The following SERPINB1 variants were observed in gnomAD, a reference collection of about 807,000 sequenced individuals.
SERPINB1 encodes the protein serpin family B member 1, also known as leukocyte elastase inhibitor.
SERPINB1 carries 23 observed loss-of-function variants against 25.9 expected under a neutral mutation model. That is an observed-to-expected ratio of 0.89 (90% confidence interval 0.64 to 1.26). The LOEUF (loss-of-function observed/expected upper bound fraction) is 1.26, where lower values mean the gene tolerates loss of function less well. SERPINB1 is among the 50% of genes most tolerant of loss of function. The pLI is 0.00. For missense variants in SERPINB1, 399 were observed against 463.6 expected (o/e 0.86, Z 1.28); for synonymous variants, 178 against 178.7 (o/e 1.00, Z 0.03).
rs746284570 is a variant in SERPINB1, at chr6:2,833,794, A to G, written c.954T>C (p.Ile318=). ...SGARDIFISK[I]VHKSFVEVNE... is the part of the protein sequence containing the mutation. ...TCACTTCCACAAATGACTTGTGGAC[A>G]ATTTTTGATATAAAAATATCTCTGG... Residue 318 remains isoleucine (I), a synonymous_variant, in exon 7 of 7, where the codon ATT becomes ATC. Transcript: ENST00000380739. 6.2e-7 allele frequency: 1 copy of G among 1,614,124 alleles called. No homozygotes were observed.
rs1766353011 is a variant in SERPINB1 at position 2,832,332 on chromosome 6, T to C, written c.*1276A>G. 6.6e-6 allele frequency: 1 copy of C among 152,234 alleles called. No homozygotes were observed. Among genetic ancestry groups the C allele is most frequent in the Non-Finnish European group, 1.5e-5 (1 of 68,056 alleles). 9.4% of individuals were successfully genotyped at this position (152,234 alleles called of 1,614,324 possible). A position where few individuals can be genotyped will look rare whatever the true frequency, so the allele number is the denominator to read the frequency against. ...AATAAGAAGAGGCCTGAGACCAGTC[T>C]AGCTTGCAGAATCCTAGGACGTTTT... On this transcript the variant is annotated 3_prime_UTR_variant, in exon 7 of 7. Transcript: ENST00000380739.
At position 2,840,516 on chromosome 6, in the gene SERPINB1, G is replaced by C; in HGVS notation, c.71C>G (p.Pro24Arg). The C allele has an allele frequency of 6.2e-7, 1 of 1,614,134 alleles. No individual in the cohort carries two copies. The highest frequency in any genetic ancestry group is 2.2e-5 in the East Asian group (1 of 44,880). The change falls in exon 2 of 7, where the codon CCG becomes CGG. Residue 24 changes from proline (P) to arginine (R), a missense_variant. Transcript: ENST00000380739. ...DLFLALSENN[P>R]AGNIFISPFS... ...GGGAGAGATGAAGATGTTTCCAGCC[G>C]GATTGTTCTCACTCAACGCCAGGAA... is the stretch of plus-strand genomic sequence containing the variant.
rs150510924 is a variant in SERPINB1 at position 2,841,768 on chromosome 6, C to CCCCGCG, written c.-9+38_-9+43dup. 0.09 allele frequency: 13,715 copies of CCCCGCG among 151,950 alleles called. 1,224 individuals are homozygous for CCCCGCG. Among genetic ancestry groups the CCCCGCG allele is most frequent in the African/African-American group, 0.23 (9,624 of 41,094 alleles). The allele number at this position is 151,950 out of a possible 1,614,324, so 9.4% of individuals were successfully genotyped here. On this transcript the variant is annotated intron_variant, in intron 1 of 6. Coordinates refer to ENST00000380739, the MANE Select transcript of SERPINB1 (RefSeq NM_030666.4). The surrounding 1 kb of genome is among the most constrained non-coding windows in gnomAD (Gnocchi z 4.5). Reference sequence around the variant, plus strand: ...AGCTGAGCGAGGGAGCCTGGCCTCTCCCCGCGCCCGCCCCCGCGCCACCGC... The same window carrying CCCCGCG: ...AGCTGAGCGAGGGAGCCTGGCCTCTCCCCGCGCCCGCGCCCGCCCCCGCGCCACCGC...
Position 2,833,867 on chromosome 6 carries a change from T to C in SERPINB1, c.881A>G (p.Gln294Arg). The change falls in exon 7 of 7, where the codon CAG (glutamine) becomes CGG (arginine). Residue 294 changes from glutamine to arginine, a missense_variant. Coordinates refer to ENST00000380739, the MANE Select transcript of SERPINB1 (RefSeq NM_030666.4). ...AGCCTTGCTACTGTTAAAGAGATCCTGCACACCTAGGCGGGCGAGGTCGGA... is the reference window on the plus strand; with the variant it reads ...AGCCTTGCTACTGTTAAAGAGATCCCGCACACCTAGGCGGGCGAGGTCGGA... The part of the protein sequence containing the change: ...LNSDLARLGV[Q>R]DLFNSSKADL... 1 of 1,614,200 alleles carries C rather than the reference T, an allele frequency of 6.2e-7. No homozygotes were observed. The highest frequency in any genetic ancestry group is 8.5e-7 in the Non-Finnish European group (1 of 1,180,030).
At chr6:2,838,099 C>G in intron 3 of SERPINB1, 100 bp from the exon 4 acceptor site, 1 of 792,602 alleles carries the variant, frequency 1.3e-6, no homozygotes, top group Admixed American at 2.7e-5. Flanking sequence ...TCCTAAAAGG[C>G]TACAATTCCA....
rs1224225247 is a variant in SERPINB1 at position 2,834,301 on chromosome 6, A to ATCCC, written c.736-290_736-289insGGGA. Among the ~76,000 whole-genome samples, 3 of 106,972 alleles carry ATCCC rather than the reference A, an allele frequency of 2.8e-5. No individual in the cohort carries two copies. The Admixed American group carries it at 3.2e-4, about 12-fold the overall frequency. The allele number at this position is 106,972 out of a possible 152,430, so 70.2% of individuals were successfully genotyped here. A position where few individuals can be genotyped will look rare whatever the true frequency, so the allele number is the denominator to read the frequency against. ...CATCCACCCATTTGTCCACTCATCC[A>ATCCC]TCCATCCATCCATCCATCCATCCAT... On this transcript the variant is annotated intron_variant, in intron 6 of 6. Coordinates refer to ENST00000380739, the MANE Select transcript of SERPINB1 (RefSeq NM_030666.4).
At chr6:2,840,690 C>G (rs370600432) in intron 1 of SERPINB1, 96 bp from the exon 2 acceptor site, 1 of 1,168,104 alleles carries the variant, frequency 8.6e-7, no homozygotes, top group African/African-American at 1.6e-5. Flanking sequence ...TTCTGCCAAC[C>G]GCCCTGAGGC....
intron 2 of SERPINB1, chr6:2,839,521 A>C: frequency 4.2e-6 from 4 of 960,010 alleles, no homozygotes; most frequent in Non-Finnish European, 5.0e-6. Context: ...TAATGGATTT[A>C]AAAAAAACAT....
rs955441332 is a variant in SERPINB1 at position 2,837,053 on chromosome 6, G to A, written c.425-803C>T. 6.9e-6 allele frequency among the ~76,000 whole-genome samples: 1 copy of A among 144,516 alleles called. No individual in the cohort carries two copies. The highest frequency in any genetic ancestry group is 2.6e-5 in the African/African-American group (1 of 38,806). 94.8% of individuals were successfully genotyped at this position (144,516 alleles called of 152,430 possible). On this transcript the variant is annotated intron_variant, in intron 4 of 6. Transcript: ENST00000380739. The surrounding 1 kb of genome is among the most constrained non-coding windows in gnomAD (Gnocchi z 4.3). ...GAAATAAATTGCACCCTAAAAGCAA[G>A]TCAGTCCCCACCTACCACAACTTTT...
At chr6:2,838,824 A>G (rs917084229) in intron 2 of SERPINB1, 138 bp from the exon 3 acceptor site, 12 of 677,894 alleles carry the variant, frequency 1.8e-5, no homozygotes, top group Non-Finnish European at 2.3e-5. Context: ...ATACTTTATT[A>G]ATTTGTCATT....
chr6:2,838,513 A>C (rs1766558010), intron 3 of SERPINB1, 36 bp downstream of exon 3: 1 of 1,546,278 alleles, frequency 6.5e-7, no homozygotes, highest in East Asian at 2.3e-5. Flanking sequence ...TGCACTGTCT[A>C]GTGGGGTTTT....
Position 2,840,534 on chromosome 6 carries a change from GC to G in SERPINB1, c.52del (p.Ala18ArgfsTer2). On this transcript the variant is annotated frameshift_variant, in exon 2 of 7. Coordinates refer to ENST00000380739, the MANE Select transcript of SERPINB1 (RefSeq NM_030666.4). LOFTEE classifies it high-confidence loss of function. The stretch of plus-strand genomic sequence containing the variant: ...TCCAGCCGGATTGTTCTCACTCAAC[GC>G]CAGGAACAGGTCCAAGGCGAAGCGG... ...NTRFALDLFL[A>X]LSENNPAGNI... The G allele has an allele frequency of 6.2e-7, 1 of 1,614,112 alleles. No individual in the cohort carries two copies. The highest frequency in any genetic ancestry group is 8.5e-7 in the Non-Finnish European group (1 of 1,180,016).
At chr6:2,835,747 G>A (rs2113533919) in intron 6 of SERPINB1, 109 bp downstream of exon 6, 1 of 1,242,534 alleles carries the variant, frequency 8.0e-7, no homozygotes, top group Non-Finnish European at 1.1e-6. Context: ...ACAAAGGAAT[G>A]ACAAACTACT....
chr6:2,840,399 T>C lies in SERPINB1; in HGVS notation c.168+20A>G, dbSNP rs201117915. 1 of 1,603,136 alleles carries C rather than the reference T, an allele frequency of 6.2e-7. No individual in the cohort carries two copies. The highest frequency in any genetic ancestry group is 1.1e-5 in the South Asian group (1 of 90,160). Reference sequence around the variant, plus strand: ...AGGGAGATGGGAGGAAAGCAGACCCTTTTTTTTGTTTCTGCTGACCTTGGA... The same window carrying C: ...AGGGAGATGGGAGGAAAGCAGACCCCTTTTTTTGTTTCTGCTGACCTTGGA... On this transcript the variant is annotated intron_variant, in intron 2 of 6. Transcript: ENST00000380739.
rs372149706 is a variant in SERPINB1 at position 2,835,880 on chromosome 6, C to T, written c.711G>A (p.Glu237=). 1.2e-4 allele frequency: 191 copies of T among 1,613,940 alleles called. No homozygotes were observed. Among genetic ancestry groups the T allele is most frequent in the Non-Finnish European group, 1.6e-4 (187 of 1,180,024 alleles). The part of the protein sequence containing the change: ...SMVILLPDDI[E]DESTGLKKIE... Reference sequence around the variant, plus strand: ...CCTTCTTCAGGCCCGTGGACTCGTCCTCAATGTCATCCGGCAGCAGGATGA... The same window carrying T: ...CCTTCTTCAGGCCCGTGGACTCGTCTTCAATGTCATCCGGCAGCAGGATGA... The change falls in exon 6 of 7, where the codon GAG becomes GAA. Residue 237 remains glutamate (E), a synonymous_variant. Transcript: ENST00000380739.
At position 2,836,158 on chromosome 6, in the gene SERPINB1, C is replaced by T; in HGVS notation, c.517G>A (p.Asp173Asn). The part of the protein sequence containing the change: ...NAIYFKGNWK[D>N]KFMKEATTNA... ...GTCGTGGCTTCTTTCATGAATTTATCCTTCCAGTTTCCCTTGAAATAGATG... is the reference window on the plus strand; with the variant it reads ...GTCGTGGCTTCTTTCATGAATTTATTCTTCCAGTTTCCCTTGAAATAGATG... Residue 173 changes from aspartate to asparagine, a missense_variant, in exon 5 of 7, where the codon GAT becomes AAT. Transcript: ENST00000380739. 1 of 1,614,052 alleles carries T rather than the reference C, an allele frequency of 6.2e-7. No homozygotes were observed. The highest frequency in any genetic ancestry group is 1.1e-5 in the South Asian group (1 of 91,076).
intron 2 of SERPINB1, among the ~76,000 whole-genome samples, chr6:2,840,052 T>C (rs1301185668): frequency 6.6e-6 from 1 of 152,202 alleles, no homozygotes; most frequent in African/African-American, 2.4e-5. Flanking sequence ...ATGAGTTGCA[T>C]ATCATCATAT....
rs1244691411 is a variant in SERPINB1 at position 2,841,003 on chromosome 6, T to C, written c.-8-409A>G. On this transcript the variant is annotated intron_variant, in intron 1 of 6. Coordinates refer to ENST00000380739, the MANE Select transcript of SERPINB1 (RefSeq NM_030666.4). The surrounding 1 kb of genome is among the most constrained non-coding windows in gnomAD (Gnocchi z 4.5). ...TGAGCCTTTGATTCAAGTCTCTGAT[T>C]CATTGGGCAATGAATCCATTGCCTA... Among the ~76,000 whole-genome samples, 2 of 152,158 alleles carry C rather than the reference T, an allele frequency of 1.3e-5. No homozygotes were observed. The highest frequency in any genetic ancestry group is 2.9e-5 in the Non-Finnish European group (2 of 68,020).
chr6:2,834,664 G>A (rs1002574562), intron 6 of SERPINB1, among the ~76,000 whole-genome samples: 3 of 152,200 alleles, frequency 2.0e-5, no homozygotes, highest in African/African-American at 7.2e-5. Flanking sequence ...GTTGAGTAGT[G>A]CTAGAAGAAA....
Sources: allele counts gnomAD v4.1 joint callset (sites outside exome capture counted in the v4.1 genomes callset), GRCh38; gene constraint gnomAD v4.1.1; non-coding constraint Gnocchi (gnomAD v3.1); transcripts MANE v1.5; gene names NCBI Gene and HGNC (gene_info 2026-07-23, HGNC 2026-07-21).